The following MED17 variants were observed in gnomAD, a reference collection of about 807,000 sequenced individuals.
MED17 encodes the protein mediator complex subunit 17, also known as mediator of RNA polymerase II transcription subunit 17.
Under a neutral mutation model 80.8 loss-of-function variants are expected in MED17, and 49 were observed. The ratio of observed to expected loss-of-function variants is 0.61; its 90% CI spans 0.48 to 0.77. The LOEUF (loss-of-function observed/expected upper bound fraction) is 0.77. Among genes scored for constraint, MED17 ranks in the 30% least tolerant of loss-of-function variants. The pLI, the probability that MED17 is intolerant of heterozygous loss-of-function variation, is 0.00. For missense variants in MED17, 718 were observed against 787.0 expected (o/e 0.91, Z 1.05); for synonymous variants, 281 against 280.4 (o/e 1.00, Z -0.02).
chr11:93,808,053 A>G (rs964347080), intron 10 of MED17: 5 of 253,078 alleles, frequency 2.0e-5, no homozygotes. Context: ...CTCAAGTCCA[A>G]GGGGCAGTAT....
chr11:93,802,595 G>A (rs1943973923), intron 9 of MED17, among the ~76,000 whole-genome samples: 1 of 152,096 alleles, frequency 6.6e-6, no homozygotes, highest in Non-Finnish European at 1.5e-5. Flanking sequence ...GAGATTCCAG[G>A]TCTGCTTCAG....
In MED17 at chr11:93,788,226, T is replaced by C. The variant is rs577333853; in HGVS notation, c.417+59T>C. On this transcript the variant is annotated intron_variant, in intron 2 of 11. Coordinates refer to ENST00000251871, the MANE Select transcript of MED17 (RefSeq NM_004268.5). ...TATTTATTAAATCCCAGGACCCTTTTTTGGCTTTGTGCCTGTTGTTCCATT... is the reference window on the plus strand; with the variant it reads ...TATTTATTAAATCCCAGGACCCTTTCTTGGCTTTGTGCCTGTTGTTCCATT... 12 of 1,471,292 alleles carry C rather than the reference T, an allele frequency of 8.2e-6. No individual in the cohort carries two copies. The East Asian group carries it at 2.4e-4, about 30-fold the overall frequency. The allele number at this position is 1,471,292 out of a possible 1,614,324, so 91.1% of individuals were successfully genotyped here. A position where few individuals can be genotyped will look rare whatever the true frequency, so the allele number is the denominator to read the frequency against.
chr11:93,812,400 A>G lies in MED17; in HGVS notation c.*336A>G, dbSNP rs1007403082. 9.9e-6 allele frequency: 5 copies of G among 504,142 alleles called. No homozygotes were observed. The highest frequency in any genetic ancestry group is 1.4e-5 in the Non-Finnish European group (4 of 290,792). The allele number at this position is 504,142 out of a possible 1,614,324, so 31.2% of individuals were successfully genotyped here. On this transcript the variant is annotated 3_prime_UTR_variant, in exon 12 of 12. Transcript: ENST00000251871. ...GACATCAAATAAAGTATGTGGTTTA[A>G]AAAAATCTCCAAATACCTTTTTTTC... is the stretch of plus-strand genomic sequence containing the variant.
rs1943967620 is a variant in MED17 at position 93,801,967 on chromosome 11, A to G, written c.1461A>G (p.Ile487Met). The G allele has an allele frequency of 6.2e-7, 1 of 1,611,794 alleles. No homozygotes were observed. The highest frequency in any genetic ancestry group is 2.2e-5 in the East Asian group (1 of 44,832). The part of the protein sequence containing the change: ...VLITSQGYEQ[I>M]CKSIQLQLNI... ...TCACATCACAAGGCTATGAACAAAT[A>G]TGCAAGTAAGTGGCCAAAATAAAAG... is the stretch of plus-strand genomic sequence containing the variant. Residue 487 changes from isoleucine to methionine, a missense_variant, in exon 9 of 12, where the codon ATA (isoleucine) becomes ATG (methionine). By Grantham distance (10) the Ile-to-Met change is conservative. Transcript: ENST00000251871.
At chr11:93,791,703 C>A (rs1565289147) in intron 3 of MED17, among the ~76,000 whole-genome samples, 6 of 150,682 alleles carry the variant, frequency 4.0e-5, no homozygotes, top group Non-Finnish European at 1.5e-5. Flanking sequence ...AAAAAAACCC[C>A]AAAAAAAACC....
intron 1 of MED17, chr11:93,785,044 T>C (rs555364619): frequency 2.1e-4 from 115 of 547,592 alleles, no homozygotes; most frequent in Non-Finnish European, 2.9e-4. Flanking sequence ...AGAGGGCCTT[T>C]AATGTAGCAC....
chr11:93,791,087 G>A (rs981837874), intron 3 of MED17, among the ~76,000 whole-genome samples: 1 of 152,196 alleles, frequency 6.6e-6, no homozygotes, highest in East Asian at 1.9e-4. Context: ...CAGCATGGGG[G>A]ACAGAGCGAG....
At position 93,813,242 on chromosome 11, in the gene MED17, A is replaced by C. The variant is rs1016301815; in HGVS notation, c.*1178A>C. The C allele has an allele frequency of 5.3e-5, 8 of 152,208 alleles. No homozygotes were observed. The highest frequency in any genetic ancestry group is 1.9e-4 in the African/African-American group (8 of 41,460). The allele number at this position is 152,208 out of a possible 1,614,324, so 9.4% of individuals were successfully genotyped here. On this transcript the variant is annotated 3_prime_UTR_variant, in exon 12 of 12. Transcript: ENST00000251871. ...ATTTTTAAAACAGACATCCTGCTTT[A>C]ACAATTTGTAAGATGACTGTGCAGT...
intron 7 of MED17, chr11:93,797,287 G>C (rs897776190): frequency 1.3e-5 from 6 of 470,272 alleles, no homozygotes; most frequent in Non-Finnish European, 2.3e-5. Context: ...AACCTTATTA[G>C]GATGTCGGCG....
intron 9 of MED17, among the ~76,000 whole-genome samples, chr11:93,803,999 G>GTATATATATATATATATATA (rs1166820708): frequency 3.7e-5 from 1 of 27,124 alleles, no homozygotes; most frequent in African/African-American, 9.3e-5. Context: ...ATATGTGTGT[G>GTATATATATATATATATATA]TATATATATA....
At chr11:93,794,476 T>A in intron 5 of MED17, 1 of 259,148 alleles carries the variant, frequency 3.9e-6, no homozygotes. Flanking sequence ...AGTGCTAGGA[T>A]TACAGGCATG....
intron 3 of MED17, chr11:93,793,442 A>C: frequency 3.1e-6 from 1 of 322,502 alleles, no homozygotes; most frequent in Non-Finnish European, 5.8e-6. Flanking sequence ...TTTTATCAAT[A>C]CTCCATTGGA....
At chr11:93,787,598 A>G (rs929827414) in intron 1 of MED17, among the ~76,000 whole-genome samples, 2 of 152,150 alleles carry the variant, frequency 1.3e-5, no homozygotes, top group Non-Finnish European at 2.9e-5. Context: ...TTTAATGGTT[A>G]AAAGGAAGAT....
rs191522513 is a variant in MED17, at chr11:93,794,735, C to A, written c.860-173C>A. ...TACCCTGCCGGGATGATTTGTAACA[C>A]AGTTGGCATTGGCAATTTTTGACAG... On this transcript the variant is annotated intron_variant, in intron 5 of 11. Transcript: ENST00000251871. The A allele has an allele frequency of 1.7e-3, 1,137 of 651,454 alleles. 15 individuals are homozygous for A. The African/African-American group carries it at 0.018, about 11-fold the overall frequency. 40.4% of individuals were successfully genotyped at this position (651,454 alleles called of 1,614,324 possible).
rs186667564 is a variant in MED17, at chr11:93,786,500, T to C, written c.251-1501T>C. Among the ~76,000 whole-genome samples the C allele has an allele frequency of 2.6e-5, 4 of 152,000 alleles. No individual in the cohort carries two copies. In the East Asian group the frequency reaches 7.7e-4, roughly 29 times the overall value. ...TTTTTTTTTTGAGATGGAGTCTTGCTCTGTCGGCCAGGCTGGAGTGCAGTG... is the reference window on the plus strand; with the variant it reads ...TTTTTTTTTTGAGATGGAGTCTTGCCCTGTCGGCCAGGCTGGAGTGCAGTG... On this transcript the variant is annotated intron_variant, in intron 1 of 11. Coordinates refer to ENST00000251871, the MANE Select transcript of MED17 (RefSeq NM_004268.5).
intron 2 of MED17, chr11:93,789,611 T>A (rs1943809612): frequency 6.6e-6 from 1 of 152,216 alleles, no homozygotes; most frequent in Admixed American, 6.5e-5. Context: ...TATATGCATA[T>A]GTGATACATA....
intron 10 of MED17, chr11:93,808,007 A>T (rs1204315093): frequency 3.3e-6 from 1 of 305,612 alleles, no homozygotes; most frequent in East Asian, 8.4e-5. Flanking sequence ...AAAAAACTAT[A>T]ATGACCATTA....
intron 2 of MED17, chr11:93,789,152 C>G (rs1263432544): frequency 1.3e-5 from 2 of 152,186 alleles, no homozygotes; most frequent in Non-Finnish European, 2.9e-5. Flanking sequence ...GAAGTAATGA[C>G]TGTTAGAACC....
chr11:93,794,199 AT>A (rs35300764), intron 5 of MED17, 164 bp downstream of exon 5: 34,542 of 320,670 alleles, frequency 0.11, 1 homozygote, highest in South Asian at 0.16. Context: ...TAGCTGTGCA[AT>A]TTTTTTTTTT....
Sources: allele counts gnomAD v4.1 joint callset (sites outside exome capture counted in the v4.1 genomes callset), GRCh38; gene constraint gnomAD v4.1.1; transcripts MANE v1.5; gene names NCBI Gene and HGNC (gene_info 2026-07-23, HGNC 2026-07-21).